The following NHSL2 variants were observed in gnomAD, a reference collection of about 807,000 sequenced individuals.
NHSL2 encodes the protein NHS like 2, also known as NHS-like protein 2.
Under a neutral mutation model 53.4 loss-of-function variants are expected in NHSL2, and 27 were observed. The observed-to-expected ratio is 0.51, with a 90% CI of 0.37 to 0.70. The LOEUF is 0.70. Ranked by LOEUF, NHSL2 falls within the 30% of genes least tolerant of loss-of-function variation. The pLI is 0.00. For missense variants in NHSL2, 892 were observed against 980.1 expected (o/e 0.91, Z 1.20); for synonymous variants, 408 against 404.1 (o/e 1.01, Z -0.12).
intron 1 of NHSL2, among the ~76,000 whole-genome samples, chrX:72,116,904 T>C (rs533681536): frequency 8.9e-6 from 1 of 111,859 alleles, no homozygotes; most frequent in Admixed American, 9.4e-5. Context: ...GTCTGACTAT[T>C]TTTTGAGAGT....
intron 1 of NHSL2, among the ~76,000 whole-genome samples, chrX:71,951,660 T>G (rs771245681): frequency 8.9e-6 from 1 of 112,613 alleles, no homozygotes; most frequent in East Asian, 2.8e-4. Flanking sequence ...GTTTTTGACC[T>G]GTTGATGAAA....
At position 72,144,888 on chromosome X, in the gene NHSL2, C is replaced by G. The variant is rs764272902; in HGVS notation, c.*1314C>G. 7.8e-6 allele frequency: 1 copy of G among 128,602 alleles called. No individual in the cohort carries two copies. The highest frequency in any genetic ancestry group is 2.5e-4 in the East Asian group (1 of 3,985). 10.6% of individuals were successfully genotyped at this position (128,602 alleles called of 1,213,427 possible). On this transcript the variant is annotated 3_prime_UTR_variant, in exon 8 of 8. Coordinates refer to ENST00000633930, the MANE Select transcript of NHSL2 (RefSeq NM_001013627.3). ...TTGCGACCCCTCCCTGCCCCCACCC[C>G]CCACGAAGCTTATAGGCACTAACTA...
At position 72,150,050 on chromosome X, in the gene NHSL2, C is replaced by T. The variant is rs2042499682; in HGVS notation, c.*6476C>T. ...CTACTTTTATGACACATGAATTTCC[C>T]AGGTATTTCAATGAACTAATATATA... On this transcript the variant is annotated 3_prime_UTR_variant, in exon 8 of 8. Coordinates refer to ENST00000633930, the MANE Select transcript of NHSL2 (RefSeq NM_001013627.3). 8.9e-6 allele frequency: 1 copy of T among 112,539 alleles called. No homozygotes were observed. Among genetic ancestry groups the T allele is most frequent in the African/African-American group, 3.2e-5 (1 of 30,977 alleles). The allele number at this position is 112,539 out of a possible 1,213,427, so 9.3% of individuals were successfully genotyped here.
intron 1 of NHSL2, among the ~76,000 whole-genome samples, chrX:71,939,773 C>A (rs757057967): frequency 4.8e-4 from 54 of 111,664 alleles, no homozygotes; most frequent in Middle Eastern, 4.6e-3. Context: ...ATATAAAATG[C>A]TTTGAACTGT....
intron 1 of NHSL2, among the ~76,000 whole-genome samples, chrX:72,109,104 C>T (rs2042069757): frequency 9.0e-6 from 1 of 111,474 alleles, no homozygotes; most frequent in South Asian, 3.8e-4. Flanking sequence ...CAGATCTCCT[C>T]TGCTTTAGTG....
At chrX:72,024,093 C>T (rs2042173354) in intron 1 of NHSL2, among the ~76,000 whole-genome samples, 2 of 111,791 alleles carry the variant, frequency 1.8e-5, no homozygotes, top group Admixed American at 1.9e-4. Context: ...TTTCAGTTGC[C>T]ACATCTGCAC....
rs1556340452 is a variant in NHSL2, at chrX:72,048,070, G to GATAATA, written c.281-84005_281-84004insTAATAA. Among the ~76,000 whole-genome samples the GATAATA allele has an allele frequency of 1.8e-3, 187 of 101,781 alleles. 2 individuals carry two copies. Among genetic ancestry groups the GATAATA allele is most frequent in the African/African-American group, 5.9e-3 (161 of 27,142 alleles). 88.4% of individuals were successfully genotyped at this position (101,781 alleles called of 115,157 possible). A position where few individuals can be genotyped will look rare whatever the true frequency, so the allele number is the denominator to read the frequency against. On this transcript the variant is annotated intron_variant, in intron 1 of 7. Transcript: ENST00000633930. ...TAACTGTGCCTTTCACACTCATGAT[G>GATAATA]ATAACAATAATAATAATAATAATAA... is the stretch of plus-strand genomic sequence containing the variant.
chrX:72,023,374 G>T (rs978092061), intron 1 of NHSL2, among the ~76,000 whole-genome samples: 3 of 112,711 alleles, frequency 2.7e-5, no homozygotes, highest in African/African-American at 9.7e-5. Context: ...GGAGAAATGG[G>T]AGAAGGAGAT....
chrX:71,994,436 G>T (rs777337923), intron 1 of NHSL2, among the ~76,000 whole-genome samples: 3 of 109,183 alleles, frequency 2.7e-5, no homozygotes, highest in Non-Finnish European at 5.7e-5. Context: ...CCTTACTGGC[G>T]CAGGGAGCCC....
intron 1 of NHSL2, among the ~76,000 whole-genome samples, chrX:72,066,363 G>T (rs981416025): frequency 2.7e-5 from 3 of 111,485 alleles, no homozygotes; most frequent in Non-Finnish European, 5.7e-5. Flanking sequence ...ATAGACGGGG[G>T]TCCAAAACCT....
chrX:72,066,748 G>A (rs1313240304), intron 1 of NHSL2, among the ~76,000 whole-genome samples: 1 of 112,059 alleles, frequency 8.9e-6, no homozygotes, highest in Non-Finnish European at 1.9e-5. Context: ...CCCTGTCTTA[G>A]CCTGTTTAAG....
chrX:72,143,498 C>A lies in NHSL2; in HGVS notation c.3602C>A (p.Thr1201Asn). The change falls in exon 8 of 8, where the codon ACC becomes AAC. Residue 1201 changes from threonine to asparagine, a missense_variant. Physicochemically the swap from Thr to Asn is moderately conservative, Grantham distance 65. Transcript: ENST00000633930. ...CCCTCAGCAGCTGAACTTCTGAAGA[C>A]CACTAACCCACTGGCTCGGAGAATT... is the stretch of plus-strand genomic sequence containing the variant. Reference protein sequence around the residue: ...SRPSAAELLKTTNPLARRIIA... With the variant: ...SRPSAAELLKNTNPLARRIIA... 1 of 1,166,045 alleles carries A rather than the reference C, an allele frequency of 8.6e-7. No individual in the cohort carries two copies. The highest frequency in any genetic ancestry group is 1.1e-6 in the Non-Finnish European group (1 of 871,593).
intron 1 of NHSL2, among the ~76,000 whole-genome samples, chrX:72,022,868 A>C (rs1011125135): frequency 2.7e-5 from 3 of 111,042 alleles, no homozygotes; most frequent in Non-Finnish European, 5.7e-5. Context: ...TATACCTTGC[A>C]CCCAACAGCT....
chrX:72,056,550 G>GTGCA (rs1556343000), intron 1 of NHSL2, among the ~76,000 whole-genome samples: 1 of 105,749 alleles, frequency 9.5e-6, no homozygotes, highest in African/African-American at 3.9e-5. Context: ...TTTAACGTCT[G>GTGCA]CGCACACACA....
Position 71,994,525 on chromosome X carries a change from G to A in NHSL2, c.280+83158G>A, listed in dbSNP as rs2042041565. Among the ~76,000 whole-genome samples the A allele has an allele frequency of 2.7e-5, 3 of 111,066 alleles. No individual in the cohort carries two copies. In the South Asian group the frequency reaches 1.1e-3, roughly 42 times the overall value. On this transcript the variant is annotated intron_variant, in intron 1 of 7. Transcript: ENST00000633930. The stretch of plus-strand genomic sequence containing the variant: ...GTTGCCCTATGTGACTAGTGTTTAA[G>A]GAATGAGGACAAAATAATCTATACC...
intron 1 of NHSL2, among the ~76,000 whole-genome samples, chrX:71,961,397 T>C (rs956922270): frequency 1.8e-5 from 2 of 108,152 alleles, no homozygotes; most frequent in African/African-American, 6.8e-5. Flanking sequence ...TTCTGTACTT[T>C]CTTCCTCCCT....
chrX:72,046,971 C>A (rs1278746882), intron 1 of NHSL2, among the ~76,000 whole-genome samples: 1 of 111,977 alleles, frequency 8.9e-6, no homozygotes, highest in Non-Finnish European at 1.9e-5. Flanking sequence ...TAAGTGACAT[C>A]TCCAAAGTCA....
At chrX:71,952,510 G>A (rs1054056694) in intron 1 of NHSL2, among the ~76,000 whole-genome samples, 1 of 111,504 alleles carries the variant, frequency 9.0e-6, no homozygotes, top group Non-Finnish European at 1.9e-5. Flanking sequence ...GGTGTCTGAT[G>A]AGTACCTGTT....
At chrX:72,142,589 A>C (rs1265215360) in intron 7 of NHSL2, among the ~76,000 whole-genome samples, 1 of 111,336 alleles carries the variant, frequency 9.0e-6, no homozygotes, top group Non-Finnish European at 1.9e-5. Context: ...AAATTCACTG[A>C]CATCGTTGGG....
Sources: gnomAD v4.1 joint callset for allele counts (sites outside exome capture counted in the v4.1 genomes callset) on GRCh38, gnomAD v4.1.1 for gene constraint, MANE v1.5 for transcripts, NCBI Gene and HGNC (gene_info 2026-07-23, HGNC 2026-07-21) for gene names.